GRHL1: variants seen among roughly 807,000 people sequenced by gnomAD.
The protein encoded by GRHL1 is grainyhead like transcription factor 1, also known as grainyhead-like protein 1 homolog.
Under a neutral mutation model 75.7 loss-of-function variants are expected in GRHL1, and 38 were observed. That is an observed-to-expected ratio of 0.50 (90% CI 0.39 to 0.66). GRHL1 has a LOEUF of 0.66. GRHL1 is among the 30% of genes least tolerant of loss of function. GRHL1 has a pLI of 0.00. For missense variants in GRHL1, 589 were observed against 767.5 expected, an observed-to-expected ratio of 0.77 and a Z score of 2.75; for synonymous variants, 266 against 279.4, an observed-to-expected ratio of 0.95 and a Z score of 0.48.
chr2:9,992,021 G>A lies in GRHL1; in HGVS notation c.1336G>A (p.Val446Met). 6.3e-7 allele frequency: 1 copy of A among 1,592,534 alleles called. No individual in the cohort carries two copies. The highest frequency in any genetic ancestry group is 2.2e-5 in the East Asian group (1 of 44,614). The change falls in exon 11 of 16, where the codon GTG becomes ATG. Residue 446 changes from valine (V) to methionine (M), a missense_variant. By Grantham distance (21) the Val-to-Met change is conservative (BLOSUM62 1). This residue lies in a region of GRHL1 where 192 missense variants were observed against 226.6 expected (regional missense o/e 0.85). Transcript: ENST00000324907. The surrounding 1 kb of genome is among the most constrained non-coding windows in gnomAD (Gnocchi z 4.6). ...QSKRKVSDVK[V>M]PLLPSHKRMD... is the part of the protein sequence containing the mutation. ...TTTTTTTTCAGTTTCTGATGTTAAA[G>A]TGCCACTGCTTCCCTCTCACAAGCG...
rs148866476 is a variant in GRHL1 at position 9,982,482 on chromosome 2, C to T, written c.1111-3642C>T. On this transcript the variant is annotated intron_variant, in intron 8 of 15. Transcript: ENST00000324907. ...GGGGTGTAGCCAGGACATCTGACAT[C>T]CGTATGTTTTAAAGTCCTGCCAGGC... Among the ~76,000 whole-genome samples, 452 of 152,330 alleles carry T rather than the reference C, an allele frequency of 3.0e-3. 1 individual carries two copies. The highest frequency in any genetic ancestry group is 0.01 in the African/African-American group (432 of 41,574).
At chr2:9,969,795 C>A (rs1226189828) in intron 8 of GRHL1, among the ~76,000 whole-genome samples, 1 of 151,252 alleles carries the variant, frequency 6.6e-6, no homozygotes, top group Non-Finnish European at 1.5e-5. Flanking sequence ...TGCAGGATTT[C>A]TCTGATCATC....
At chr2:9,962,793 A>T (rs1667329913) in intron 5 of GRHL1, among the ~76,000 whole-genome samples, 1 of 152,056 alleles carries the variant, frequency 6.6e-6, no homozygotes, top group Non-Finnish European at 1.5e-5. Context: ...AGTAGAATGG[A>T]ATCTAATAGG....
At position 10,000,925 on chromosome 2, in the gene GRHL1, C is replaced by T. The variant is rs1456587419; in HGVS notation, c.*218C>T. On this transcript the variant is annotated 3_prime_UTR_variant, in exon 16 of 16. Coordinates refer to ENST00000324907, the MANE Select transcript of GRHL1 (RefSeq NM_198182.3). ...TCAGATGAAAGAGAAATCCATATACCATTATGTTTGAATTTCCTGATATAT... is the reference window on the plus strand; with the variant it reads ...TCAGATGAAAGAGAAATCCATATACTATTATGTTTGAATTTCCTGATATAT... 5.0e-6 allele frequency: 2 copies of T among 400,008 alleles called. No homozygotes were observed. Among genetic ancestry groups the T allele is most frequent in the Non-Finnish European group, 8.9e-6 (2 of 225,724 alleles). The allele number at this position is 400,008 out of a possible 1,614,324, so 24.8% of individuals were successfully genotyped here. A position where few individuals can be genotyped will look rare whatever the true frequency, so the allele number is the denominator to read the frequency against.
rs573531471 is a variant in GRHL1 at position 9,998,506 on chromosome 2, A to G, written c.1678-459A>G. Among the ~76,000 whole-genome samples the G allele has an allele frequency of 1.7e-4, 5 of 29,110 alleles. 1 individual carries two copies. Among genetic ancestry groups the G allele is most frequent in the Admixed American group, 1.4e-3 (3 of 2,082 alleles). 19.1% of individuals were successfully genotyped at this position (29,110 alleles called of 152,430 possible). On this transcript the variant is annotated intron_variant, in intron 14 of 15. Coordinates refer to ENST00000324907, the MANE Select transcript of GRHL1 (RefSeq NM_198182.3). ...CATATATATACGTATATATACATAT[A>G]TATACGTATATATATACATATATAT... is the stretch of plus-strand genomic sequence containing the variant.
intron 3 of GRHL1, 186 bp from the exon 4 acceptor site, chr2:9,960,860 A>G: frequency 1.8e-6 from 1 of 543,468 alleles, no homozygotes; most frequent in Non-Finnish European, 3.2e-6. Context: ...ATAGGTTTGG[A>G]TTTTATTTGA....
Position 9,990,654 on chromosome 2 carries a change from A to T in GRHL1, c.1270-42A>T, listed in dbSNP as rs773275533. The T allele has an allele frequency of 7.7e-6, 10 of 1,293,290 alleles. No homozygotes were observed. The highest frequency in any genetic ancestry group is 9.9e-6 in the Non-Finnish European group (9 of 911,512). 80.1% of individuals were successfully genotyped at this position (1,293,290 alleles called of 1,614,324 possible). On this transcript the variant is annotated intron_variant, in intron 9 of 15. Transcript: ENST00000324907. This position sits in a 1 kb window ranked among gnomAD's most constrained non-coding sequence, Gnocchi z 4.2. ...ATAAGAGTTAAATATTTTAAAGAAG[A>T]TTGGAAAACAGAATCATATCTTGTC...
intron 14 of GRHL1, among the ~76,000 whole-genome samples, chr2:9,998,651 CATATACATATATATGTACACATAT>C (rs1669057847): frequency 3.1e-4 from 8 of 25,870 alleles, no homozygotes; most frequent in South Asian, 1.4e-3. Flanking sequence ...TACACATATA[CATATACATATATATGTACACATAT>C]ATATACATAT....
chr2:9,973,135 T>C (rs550641787), intron 8 of GRHL1, among the ~76,000 whole-genome samples: 2 of 152,210 alleles, frequency 1.3e-5, no homozygotes, highest in Non-Finnish European at 2.9e-5. Context: ...GGTGATTGGA[T>C]AGCCTGAGAA....
rs1224962720 is a variant in GRHL1 at position 9,990,948 on chromosome 2, G to A, written c.1321+201G>A. On this transcript the variant is annotated intron_variant, in intron 10 of 15. Coordinates refer to ENST00000324907, the MANE Select transcript of GRHL1 (RefSeq NM_198182.3). The surrounding 1 kb of genome is among the most constrained non-coding windows in gnomAD (Gnocchi z 4.2). ...GCTCAGCGGGAGGGGTTTTCCTGGG[G>A]ACTACAGGATAGATCCCTGGGTTTT... Among the ~76,000 whole-genome samples the A allele has an allele frequency of 2.0e-5, 3 of 152,116 alleles. No individual in the cohort carries two copies. Among genetic ancestry groups the A allele is most frequent in the East Asian group, 3.8e-4 (2 of 5,200 alleles).
chr2:9,973,725 T>C (rs1259627331), intron 8 of GRHL1, among the ~76,000 whole-genome samples: 1 of 152,208 alleles, frequency 6.6e-6, no homozygotes, highest in Non-Finnish European at 1.5e-5. Flanking sequence ...TTCCCTAGGG[T>C]TTCTACATTC....
chr2:9,967,518 G>A (rs568118457), intron 8 of GRHL1, among the ~76,000 whole-genome samples: 1 of 152,296 alleles, frequency 6.6e-6, no homozygotes, highest in East Asian at 1.9e-4. Context: ...AATTGATGTA[G>A]GTAAACTCAG....
Position 9,998,985 on chromosome 2 carries a change from TC to T in GRHL1, c.1702del (p.His568MetfsTer17). 1 of 1,577,584 alleles carries T rather than the reference TC, an allele frequency of 6.3e-7. No individual in the cohort carries two copies. The highest frequency in any genetic ancestry group is 8.6e-7 in the Non-Finnish European group (1 of 1,157,518). On this transcript the variant is annotated frameshift_variant, in exon 15 of 16. Coordinates refer to ENST00000324907, the MANE Select transcript of GRHL1 (RefSeq NM_198182.3). LOFTEE classifies it high-confidence loss of function. Reference sequence around the variant, plus strand: ...TTTAGATCTCAGACAAATACGATGTTCCCCATGACAAGATTGGGAAAATATT... The same window carrying T: ...TTTAGATCTCAGACAAATACGATGTTCCCATGACAAGATTGGGAAAATATT... ...MEAISDKYDVPHDKIGKIFKK... is the reference protein window; with the variant it reads ...MEAISDKYDVXHDKIGKIFKK...
At chr2:9,993,832 G>A (rs1323816068) in intron 12 of GRHL1, among the ~76,000 whole-genome samples, 3 of 152,240 alleles carry the variant, frequency 2.0e-5, no homozygotes, top group Admixed American at 6.5e-5. Context: ...TCCTTTTATA[G>A]TAAGTGTTGT....
chr2:9,986,730 G>A (rs1668433420), intron 9 of GRHL1, among the ~76,000 whole-genome samples: 1 of 151,556 alleles, frequency 6.6e-6, no homozygotes, highest in Non-Finnish European at 1.5e-5. Flanking sequence ...TATCAGAGAT[G>A]AGGTCTCACT....
chr2:9,955,747 G>T (rs1170663002), intron 2 of GRHL1, among the ~76,000 whole-genome samples: 3 of 152,246 alleles, frequency 2.0e-5, no homozygotes, highest in African/African-American at 7.2e-5. Context: ...TTCTCACTCA[G>T]AGGTCACAGC....
rs755804402 is a variant in GRHL1, at chr2:9,995,900, G to A, written c.1521G>A (p.Pro507=). 1.4e-5 allele frequency: 23 copies of A among 1,610,900 alleles called. No individual in the cohort carries two copies. Among genetic ancestry groups the A allele is most frequent in the East Asian group, 6.7e-5 (3 of 44,890 alleles). The change falls in exon 13 of 16, where the codon CCG becomes CCA. Residue 507 remains proline, a synonymous_variant. Coordinates refer to ENST00000324907, the MANE Select transcript of GRHL1 (RefSeq NM_198182.3). Reference sequence around the variant, plus strand: ...GCAGCTCTGTCTTGAAAAGGGGGCCGTACGGCACAGAAGATGACTTTGCTG... The same window carrying A: ...GCAGCTCTGTCTTGAAAAGGGGGCCATACGGCACAGAAGATGACTTTGCTG... ...EGEGSVLKRG[P]YGTEDDFAVP... is the part of the protein sequence containing the mutation.
At chr2:9,975,734 A>AG (rs1667921761) in intron 8 of GRHL1, among the ~76,000 whole-genome samples, 1 of 152,008 alleles carries the variant, frequency 6.6e-6, no homozygotes, top group African/African-American at 2.4e-5. Flanking sequence ...AAAAAAAAAA[A>AG]AATTATCTGA....
Position 9,962,501 on chromosome 2 carries a change from C to A in GRHL1, c.716C>A (p.Ser239Ter). 1 of 1,598,890 alleles carries A rather than the reference C, an allele frequency of 6.3e-7. No individual in the cohort carries two copies. The highest frequency in any genetic ancestry group is 8.6e-7 in the Non-Finnish European group (1 of 1,166,078). Residue 239 changes from serine (S) to a stop codon, truncating the protein, a stop_gained, in exon 5 of 16, where the codon TCA becomes TAA. Transcript: ENST00000324907. LOFTEE classifies it high-confidence loss of function. ...AGTCTGCGGATGCCTGGCATGAATT[C>A]AGAGGACTATGTTTTTGACAGTGTT... ...DLSLRMPGMN[S>*]EDYVFDSVSG...
Sources: gnomAD v4.1 joint callset for allele counts (sites outside exome capture counted in the v4.1 genomes callset) on GRCh38, gnomAD v4.1.1 for gene constraint, gnomAD v4.1.1 regional missense constraint, Gnocchi (gnomAD v3.1) non-coding constraint, MANE v1.5 for transcripts, NCBI Gene and HGNC (gene_info 2026-07-23, HGNC 2026-07-21) for gene names.